EHBP1: variants seen among roughly 807,000 people sequenced by gnomAD.
EHBP1 encodes EH domain-binding protein 1.
In EHBP1, 55 loss-of-function variants were observed where a neutral mutation model predicts 144.0. The observed-to-expected ratio is 0.38, with a 90% CI of 0.31 to 0.48. The LOEUF (loss-of-function observed/expected upper bound fraction) is 0.48. EHBP1 is among the 20% of genes least tolerant of loss of function. The probability of loss-of-function intolerance (pLI) is 0.98; values close to 1 mark genes in which losing one functional copy is unlikely to be tolerated. For synonymous variants in EHBP1, 469 were observed against 472.7 expected, an observed-to-expected ratio of 0.99 and a Z score of 0.10; for missense variants, 1,200 against 1,364.2, an observed-to-expected ratio of 0.88 and a Z score of 1.90.
rs1270038390 is a variant in EHBP1 at position 62,949,000 on chromosome 2, C to G, written c.2154C>G (p.Ile718Met). The G allele has an allele frequency of 1.2e-6, 2 of 1,613,134 alleles. No individual in the cohort carries two copies. The highest frequency in any genetic ancestry group is 2.7e-5 in the African/African-American group (2 of 74,790). Residue 718 changes from isoleucine (I) to methionine (M), a missense_variant, in exon 13 of 23, where the codon ATC becomes ATG. Coordinates refer to ENST00000431489, the MANE Select transcript of EHBP1 (RefSeq NM_001142616.3). ...GCAGATCAGATCCAGAATCTCCTAT[C>G]AAAAAAACAAGTTTATCTCCTACTT... ...LECRSDPESP[I>M]KKTSLSPTSK...
chr2:62,707,227 A>G lies in EHBP1; in HGVS notation c.36A>G (p.Gly12=). ...ASVWKRLQRV[G]KHASKFQFVA... ...TTTGGAAGAGACTGCAGCGTGTGGG[A>G]AAACATGCATCCAAGTTCCAGTTTG... Residue 12 remains glycine (G), a synonymous_variant, in exon 2 of 23, where the codon GGA becomes GGG. Coordinates refer to ENST00000431489, the MANE Select transcript of EHBP1 (RefSeq NM_001142616.3). 1.2e-6 allele frequency: 2 copies of G among 1,614,134 alleles called. No individual in the cohort carries two copies. The highest frequency in any genetic ancestry group is 4.5e-5 in the East Asian group (2 of 44,886).
At chr2:62,770,382 A>G (rs1321938569) in intron 4 of EHBP1, among the ~76,000 whole-genome samples, 2 of 152,190 alleles carry the variant, frequency 1.3e-5, no homozygotes, top group African/African-American at 4.8e-5. Flanking sequence ...TTCAAAAAAC[A>G]TACATGTAGC....
intron 3 of EHBP1, among the ~76,000 whole-genome samples, chr2:62,762,590 A>G (rs1256403214): frequency 6.6e-6 from 1 of 152,134 alleles, no homozygotes; most frequent in African/African-American, 2.4e-5. Flanking sequence ...TATAAGGTAG[A>G]AGCCTTAGAA....
intron 5 of EHBP1, among the ~76,000 whole-genome samples, chr2:62,795,429 A>G (rs1573390536): frequency 6.6e-6 from 1 of 152,066 alleles, no homozygotes; most frequent in East Asian, 1.9e-4. Flanking sequence ...CAGATTGTAC[A>G]TGGGTGGCTG....
At chr2:62,730,692 G>GAGAC (rs781671622) in intron 2 of EHBP1, among the ~76,000 whole-genome samples, 1 of 150,628 alleles carries the variant, frequency 6.6e-6, no homozygotes, top group Non-Finnish European at 1.5e-5. Flanking sequence ...AGGACAGAGA[G>GAGAC]AGACAGACAG....
At chr2:62,875,433 C>T (rs747201936) in intron 10 of EHBP1, among the ~76,000 whole-genome samples, 31 of 152,220 alleles carry the variant, frequency 2.0e-4, no homozygotes, top group Non-Finnish European at 4.1e-4. Context: ...CTGAACACAA[C>T]TTATACCATA....
At chr2:62,825,996 ATTAT>A (rs1226999957) in intron 5 of EHBP1, 87 bp from the exon 6 acceptor site, 37 of 933,004 alleles carry the variant, frequency 4.0e-5, no homozygotes, top group Non-Finnish European at 5.5e-5. Flanking sequence ...GTTTTCAATT[ATTAT>A]TTGATTTATT....
chr2:62,866,617 G>C (rs2050059571), intron 9 of EHBP1, among the ~76,000 whole-genome samples: 1 of 152,054 alleles, frequency 6.6e-6, no homozygotes, highest in South Asian at 2.1e-4. Flanking sequence ...GACTGGATGA[G>C]GTTAACCCCT....
intron 5 of EHBP1, among the ~76,000 whole-genome samples, chr2:62,779,283 T>G (rs1011595558): frequency 6.6e-6 from 1 of 152,240 alleles, no homozygotes; most frequent in African/African-American, 2.4e-5. Flanking sequence ...CTTTTTGTTC[T>G]TCTATTAATC....
chr2:62,777,515 AT>A (rs1335041594), intron 5 of EHBP1, among the ~76,000 whole-genome samples: 1 of 149,612 alleles, frequency 6.7e-6, no homozygotes, highest in Non-Finnish European at 1.5e-5. Flanking sequence ...TTTCTCCCAC[AT>A]TTTTTTCTGT....
intron 11 of EHBP1, among the ~76,000 whole-genome samples, chr2:62,943,101 G>C (rs2056858476): frequency 6.6e-6 from 1 of 152,134 alleles, no homozygotes; most frequent in Non-Finnish European, 1.5e-5. Context: ...TGGTGGCTGG[G>C]CGTGGCGGCT....
intron 5 of EHBP1, among the ~76,000 whole-genome samples, chr2:62,786,574 A>G (rs2042817987): frequency 6.6e-6 from 1 of 152,214 alleles, no homozygotes. Context: ...TGTAGAAAAT[A>G]TATCAATGTC....
chr2:62,713,726 A>T (rs1451963742), intron 2 of EHBP1, among the ~76,000 whole-genome samples: 4 of 152,244 alleles, frequency 2.6e-5, no homozygotes, highest in Non-Finnish European at 5.9e-5. Flanking sequence ...ATTCCTTGAA[A>T]CAAAATAGCG....
chr2:63,023,388 T>C (rs1049847927), intron 19 of EHBP1, among the ~76,000 whole-genome samples: 1 of 152,220 alleles, frequency 6.6e-6, no homozygotes, highest in African/African-American at 2.4e-5. Context: ...GATACAAATA[T>C]ATATACATAA....
chr2:62,714,146 G>C (rs145435254), intron 2 of EHBP1, among the ~76,000 whole-genome samples: 1 of 152,132 alleles, frequency 6.6e-6, no homozygotes, highest in African/African-American at 2.4e-5. Context: ...GAGGGGCTGA[G>C]GTGGCAGGAT....
At chr2:63,023,356 G>T (rs2060838978) in intron 19 of EHBP1, among the ~76,000 whole-genome samples, 1 of 152,144 alleles carries the variant, frequency 6.6e-6, no homozygotes, top group Admixed American at 6.5e-5. Flanking sequence ...TTACAGCTGT[G>T]TAGCTTTACA....
intron 19 of EHBP1, among the ~76,000 whole-genome samples, chr2:63,018,394 C>T (rs1418636394): frequency 1.3e-5 from 2 of 152,020 alleles, no homozygotes; most frequent in African/African-American, 4.8e-5. Context: ...ATTATTTAGA[C>T]CATTTAAGAA....
Position 62,707,242 on chromosome 2 carries a change from G to A in EHBP1, c.51G>A (p.Lys17=), listed in dbSNP as rs766464893. ...RLQRVGKHAS[K]FQFVASYQEL... is the part of the protein sequence containing the mutation. ...AGCGTGTGGGAAAACATGCATCCAAGTTCCAGTTTGTGGCCTCCTACCAGG... is the reference window on the plus strand; with the variant it reads ...AGCGTGTGGGAAAACATGCATCCAAATTCCAGTTTGTGGCCTCCTACCAGG... The change falls in exon 2 of 23, where the codon AAG becomes AAA. Residue 17 remains lysine (K), a synonymous_variant. Coordinates refer to ENST00000431489, the MANE Select transcript of EHBP1 (RefSeq NM_001142616.3). 1.2e-6 allele frequency: 2 copies of A among 1,614,202 alleles called. No individual in the cohort carries two copies. Among genetic ancestry groups the A allele is most frequent in the East Asian group, 2.2e-5 (1 of 44,886 alleles).
At chr2:63,028,234 C>T (rs1452289321) in intron 19 of EHBP1, among the ~76,000 whole-genome samples, 3 of 151,998 alleles carry the variant, frequency 2.0e-5, no homozygotes, top group Non-Finnish European at 4.4e-5. Flanking sequence ...CGCTTTTTGT[C>T]AATTAAATAA....
Sources: allele counts gnomAD v4.1 joint callset (sites outside exome capture counted in the v4.1 genomes callset), GRCh38; gene constraint gnomAD v4.1.1; transcripts MANE v1.5; gene names NCBI Gene and HGNC (gene_info 2026-07-23, HGNC 2026-07-21).